TSHZ2: variants seen among roughly 807,000 people sequenced by gnomAD.
The protein encoded by TSHZ2 is teashirt zinc finger homeobox 2, also known as teashirt homolog 2.
In TSHZ2, 21 loss-of-function variants were observed where a neutral mutation model predicts 74.4. The observed-to-expected ratio is 0.28, with a 90% CI of 0.20 to 0.41. TSHZ2 has a LOEUF of 0.41. Ranked by LOEUF, TSHZ2 falls within the 10% of genes least tolerant of loss-of-function variation. TSHZ2 has a pLI of 1.00. For missense variants in TSHZ2, 1,244 were observed against 1,293.5 expected (o/e 0.96, Z 0.59); for synonymous variants, 540 against 515.3 (o/e 1.05, Z -0.65).
In TSHZ2 at chr20:53,420,595, G is replaced by A. The variant is rs372305112; in HGVS notation, c.*9-66549G>A. 2.8e-3 allele frequency among the ~76,000 whole-genome samples: 420 copies of A among 152,094 alleles called. 4 individuals are homozygous for A. The highest frequency in any genetic ancestry group is 9.5e-3 in the African/African-American group (395 of 41,514). ...CAAAAAATTAGCCGGGCTTAGTGGC[G>A]GGCGCCTGTAGTCCCAGCTACTTGG... On this transcript the variant is annotated intron_variant, in intron 2 of 2. Transcript: ENST00000371497.
At chr20:53,053,485 A>C (rs1191472116) in intron 1 of TSHZ2, among the ~76,000 whole-genome samples, 1 of 152,126 alleles carries the variant, frequency 6.6e-6, no homozygotes, top group Non-Finnish European at 1.5e-5. Context: ...CAATGGATTC[A>C]TTCCCCCACC....
chr20:53,006,118 T>C (rs1982635110), intron 1 of TSHZ2, among the ~76,000 whole-genome samples: 1 of 152,218 alleles, frequency 6.6e-6, no homozygotes, highest in Non-Finnish European at 1.5e-5. Context: ...AGTTTGCTCC[T>C]ATTGAAAGAA....
intron 2 of TSHZ2, among the ~76,000 whole-genome samples, chr20:53,482,977 T>G (rs1167907652): frequency 6.6e-6 from 1 of 152,210 alleles, no homozygotes; most frequent in African/African-American, 2.4e-5. Flanking sequence ...TGGTCCAAGA[T>G]TCAGATCTTC....
chr20:53,372,392 G>T (rs540229489), intron 2 of TSHZ2, among the ~76,000 whole-genome samples: 1 of 152,186 alleles, frequency 6.6e-6, no homozygotes, highest in South Asian at 2.1e-4. Flanking sequence ...TAGGAAAATC[G>T]CCTGAACCCA....
chr20:53,196,178 G>A (rs1421604389), intron 1 of TSHZ2: 2 of 151,922 alleles, frequency 1.3e-5, no homozygotes, highest in Non-Finnish European at 2.9e-5. Flanking sequence ...TTTTCTAGGC[G>A]CTGACAATAA....
chr20:53,486,104 G>A lies in TSHZ2; in HGVS notation c.*9-1040G>A, dbSNP rs1457343331. The stretch of plus-strand genomic sequence containing the variant: ...CCATCATTCCTCTTTCTGTTTCTAT[G>A]AGTTTGACTACCTCTAGATATGTTA... On this transcript the variant is annotated intron_variant, in intron 2 of 2. Coordinates refer to ENST00000371497, the MANE Select transcript of TSHZ2 (RefSeq NM_173485.6). Among the ~76,000 whole-genome samples the A allele has an allele frequency of 2.6e-5, 4 of 152,010 alleles. No homozygotes were observed. The South Asian group carries it at 8.3e-4, about 32-fold the overall frequency.
chr20:53,436,917 CT>C (rs1218118436), intron 2 of TSHZ2, among the ~76,000 whole-genome samples: 5 of 152,046 alleles, frequency 3.3e-5, no homozygotes, highest in Non-Finnish European at 7.4e-5. Flanking sequence ...AAGCCTCATG[CT>C]TTTTTTGGAA....
chr20:53,351,574 G>A (rs1317912530), intron 2 of TSHZ2, among the ~76,000 whole-genome samples: 2 of 152,176 alleles, frequency 1.3e-5, no homozygotes, highest in African/African-American at 4.8e-5. Context: ...AAGATAAAAT[G>A]TGGCAGGTGG....
At chr20:53,077,410 C>CA (rs11470532) in intron 1 of TSHZ2, among the ~76,000 whole-genome samples, 97 of 137,350 alleles carry the variant, frequency 7.1e-4, no homozygotes, top group Non-Finnish European at 1.2e-3. Flanking sequence ...GACTCTACCT[C>CA]AAAAAAAAAA....
chr20:53,455,382 C>A (rs868242339), intron 2 of TSHZ2: 2 of 152,000 alleles, frequency 1.3e-5, no homozygotes, highest in Non-Finnish European at 2.9e-5. Flanking sequence ...CAAAGCGGTA[C>A]CCAGTAATGG....
intron 2 of TSHZ2, among the ~76,000 whole-genome samples, chr20:53,394,787 T>C (rs1239795326): frequency 7.4e-6 from 1 of 135,432 alleles, no homozygotes; most frequent in African/African-American, 3.3e-5. Flanking sequence ...AAAACTGTTC[T>C]TCAATTGCCT....
chr20:53,221,338 A>G (rs991382567), intron 1 of TSHZ2, among the ~76,000 whole-genome samples: 7 of 152,350 alleles, frequency 4.6e-5, no homozygotes, highest in Admixed American at 4.6e-4. Context: ...AGCACTCATC[A>G]ATCTGGATTT....
intron 1 of TSHZ2, among the ~76,000 whole-genome samples, chr20:53,016,051 G>C (rs899236858): frequency 6.6e-6 from 1 of 152,150 alleles, no homozygotes; most frequent in African/African-American, 2.4e-5. Context: ...CACCATAATG[G>C]ACGAATCTTT....
chr20:53,460,916 G>A (rs574661310), intron 2 of TSHZ2, among the ~76,000 whole-genome samples: 493 of 152,374 alleles, frequency 3.2e-3, no homozygotes, highest in Non-Finnish European at 5.5e-3. Context: ...CTCCAGCTGC[G>A]TACTGGGAGA....
At chr20:53,180,021 T>C (rs879362975) in intron 1 of TSHZ2, among the ~76,000 whole-genome samples, 10 of 152,220 alleles carry the variant, frequency 6.6e-5, no homozygotes, top group Non-Finnish European at 1.5e-4. Flanking sequence ...CAGATGCATA[T>C]TATAGGCACA....
chr20:53,191,722 A>G (rs553581954), intron 1 of TSHZ2, among the ~76,000 whole-genome samples: 50 of 152,346 alleles, frequency 3.3e-4, no homozygotes, highest in African/African-American at 1.1e-3. Flanking sequence ...CTTTTGTCTT[A>G]TCACTTGTTC....
chr20:53,279,171 G>A (rs1991006056), intron 2 of TSHZ2, among the ~76,000 whole-genome samples: 1 of 152,124 alleles, frequency 6.6e-6, no homozygotes, highest in Non-Finnish European at 1.5e-5. Flanking sequence ...TAAGTAGAGG[G>A]GTTGGTTTGC....
intron 2 of TSHZ2, among the ~76,000 whole-genome samples, chr20:53,378,589 A>G (rs183230703): frequency 8.5e-5 from 13 of 152,264 alleles, no homozygotes; most frequent in Non-Finnish European, 1.6e-4. Context: ...TTTTCACATG[A>G]CAGGAGTTCA....
intron 1 of TSHZ2, among the ~76,000 whole-genome samples, chr20:53,244,685 G>A (rs1325375526): frequency 6.6e-6 from 1 of 152,106 alleles, no homozygotes; most frequent in African/African-American, 2.4e-5. Context: ...ACCTCTCTCA[G>A]TGCAAAGCCC....
Sources: gnomAD v4.1 joint callset for allele counts (sites outside exome capture counted in the v4.1 genomes callset) on GRCh38, gnomAD v4.1.1 for gene constraint, MANE v1.5 for transcripts, NCBI Gene and HGNC (gene_info 2026-07-23, HGNC 2026-07-21) for gene names.